The following POLR2E variants were observed in gnomAD, a reference collection of about 807,000 sequenced individuals.
The protein encoded by POLR2E is RNA polymerase II, I and III subunit E.
POLR2E carries 35 observed loss-of-function variants against 29.8 expected under a neutral mutation model. The ratio of observed to expected loss-of-function variants is 1.17; its 90% CI spans 0.90 to 1.55. The LOEUF (loss-of-function observed/expected upper bound fraction) is 1.55, where lower values mean the gene tolerates loss of function less well. POLR2E is among the 40% of genes most tolerant of loss of function. POLR2E has a pLI of 0.00. For missense variants in POLR2E, 287 were observed against 288.6 expected, an observed-to-expected ratio of 0.99 and a Z score of 0.04; for synonymous variants, 174 against 112.6, an observed-to-expected ratio of 1.55 and a Z score of -3.45.
At chr19:1,089,149 C>CTAAACCCTCTTCTGGAAAG (rs1950651721) in intron 7 of POLR2E, among the ~76,000 whole-genome samples, 2 of 152,328 alleles carry the variant, frequency 1.3e-5, no homozygotes, top group South Asian at 2.1e-4. Context: ...GGGCAGGTTT[C>CTAAACCCTCTTCTGGAAAG]TAAACCCTCT....
chr19:1,092,563 C>A (rs981031593), intron 2 of POLR2E, among the ~76,000 whole-genome samples: 1 of 151,958 alleles, frequency 6.6e-6, no homozygotes, highest in Non-Finnish European at 1.5e-5. Flanking sequence ...TAGCCCACGC[C>A]CGCAGTCCCA....
chr19:1,090,334 G>A (rs1006755510), intron 4 of POLR2E, among the ~76,000 whole-genome samples, 189 bp from the exon 5 acceptor site: 1 of 151,792 alleles, frequency 6.6e-6, no homozygotes, highest in Admixed American at 6.6e-5. Context: ...ACAGCTCCTG[G>A]GGCTTCTGAG....
Position 1,093,896 on chromosome 19 carries a change from C to T in POLR2E, c.232+8G>A. ...TTCACCGGAACTCCCCCGGGACCCG[C>T]TGCTCACCTGGAAAGAACACAAACA... On this transcript the variant is annotated splice_region_variant and intron_variant, in intron 2 of 7. Transcript: ENST00000615234. 1 of 1,577,508 alleles carries T rather than the reference C, an allele frequency of 6.3e-7. No homozygotes were observed. Among genetic ancestry groups the T allele is most frequent in the Non-Finnish European group, 8.6e-7 (1 of 1,159,626 alleles).
At chr19:1,091,936 C>T (rs369640082) in intron 2 of POLR2E, 29 bp from the exon 3 acceptor site, 12 of 1,516,708 alleles carry the variant, frequency 7.9e-6, no homozygotes, top group South Asian at 4.5e-5. Flanking sequence ...CTGGCCTGCA[C>T]GAGCCTGGGC....
At position 1,091,924 on chromosome 19, in the gene POLR2E, T is replaced by G; in HGVS notation, c.233-17A>C. 1 of 1,571,952 alleles carries G rather than the reference T, an allele frequency of 6.4e-7. No homozygotes were observed. The highest frequency in any genetic ancestry group is 8.7e-7 in the Non-Finnish European group (1 of 1,143,810). On this transcript the variant is annotated splice_polypyrimidine_tract_variant and intron_variant, in intron 2 of 7. Coordinates refer to ENST00000615234, the MANE Select transcript of POLR2E (RefSeq NM_002695.5). ...TGGGCTCCTCTGCAGACAGAGAGTG[T>G]GCTGGCCTGCACGAGCCTGGGCCCT...
intron 7 of POLR2E, among the ~76,000 whole-genome samples, chr19:1,088,938 C>A (rs530949755): frequency 1.6e-4 from 25 of 152,180 alleles, no homozygotes; most frequent in Non-Finnish European, 3.5e-4. Context: ...CCAGGCCAAG[C>A]CCCACCCCTG....
At chr19:1,092,842 C>G (rs1346132136) in intron 2 of POLR2E, among the ~76,000 whole-genome samples, 1 of 142,184 alleles carries the variant, frequency 7.0e-6, no homozygotes, top group Admixed American at 7.2e-5. Context: ...GATTGCGCCA[C>G]TGCACACTCC....
chr19:1,089,046 C>A (rs1237642276), intron 7 of POLR2E, among the ~76,000 whole-genome samples: 1 of 152,200 alleles, frequency 6.6e-6, no homozygotes, highest in Non-Finnish European at 1.5e-5. Flanking sequence ...GAGGCTGTCC[C>A]GCTCCTGAGA....
chr19:1,091,435 G>A (rs1043149866), intron 3 of POLR2E: 55 of 376,820 alleles, frequency 1.5e-4, no homozygotes, highest in Non-Finnish European at 2.4e-4. Flanking sequence ...GGAGGACCCC[G>A]TGCCGGGCCT....
chr19:1,089,927 G>A lies in POLR2E; in HGVS notation c.524C>T (p.Ala175Val), dbSNP rs939539104. Residue 175 changes from alanine to valine, a missense_variant, in exon 6 of 8, where the codon GCG becomes GTG. Coordinates refer to ENST00000615234, the MANE Select transcript of POLR2E (RefSeq NM_002695.5). The part of the protein sequence containing the change: ...LRENQLPRIQ[A>V]GDPVARYFGI... ...AAAGTAGCGCGCCACAGGGTCCCCC[G>A]CCTGGATCCTGGGCAGCTGGTTCTC... 16 of 1,612,642 alleles carry A rather than the reference G, an allele frequency of 9.9e-6. No individual in the cohort carries two copies. The highest frequency in any genetic ancestry group is 6.7e-5 in the African/African-American group (5 of 74,788).
At position 1,086,686 on chromosome 19, in the gene POLR2E, AGAAGGGGCCAG is replaced by A. The variant is rs1009467723; in HGVS notation, c.*2038_*2048del. The A allele has an allele frequency of 2.0e-5, 3 of 152,172 alleles. No homozygotes were observed. Among genetic ancestry groups the A allele is most frequent in the African/African-American group, 7.3e-5 (3 of 41,324 alleles). 9.4% of individuals were successfully genotyped at this position (152,172 alleles called of 1,614,324 possible). ...TTTCTGTGGCAGCTGCAAGCTTAGAAGAAGGGGCCAGGGAGGGGACAGAGAGAGCCCCGTGG... is the reference window on the plus strand; with the variant it reads ...TTTCTGTGGCAGCTGCAAGCTTAGAAGGAGGGGACAGAGAGAGCCCCGTGG... On this transcript the variant is annotated 3_prime_UTR_variant, in exon 8 of 8. Coordinates refer to ENST00000615234, the MANE Select transcript of POLR2E (RefSeq NM_002695.5).
intron 1 of POLR2E, chr19:1,095,008 C>T: frequency 2.0e-6 from 1 of 488,366 alleles, no homozygotes; most frequent in Non-Finnish European, 3.6e-6. Flanking sequence ...ACGCGCGCCG[C>T]ACCAGCCCAA....
chr19:1,094,968 C>CA (rs2043910002), intron 1 of POLR2E: 1 of 493,956 alleles, frequency 2.0e-6, no homozygotes, highest in African/African-American at 2.1e-5. Flanking sequence ...CCCCCGTCCC[C>CA]ATTCGCGGCT....
chr19:1,087,617 G>A lies in POLR2E; in HGVS notation c.*1118C>T, dbSNP rs1350841186. The A allele has an allele frequency of 6.6e-6, 1 of 152,214 alleles. No homozygotes were observed. The highest frequency in any genetic ancestry group is 1.5e-5 in the Non-Finnish European group (1 of 68,064). The allele number at this position is 152,214 out of a possible 1,614,324, so 9.4% of individuals were successfully genotyped here. A position where few individuals can be genotyped will look rare whatever the true frequency, so the allele number is the denominator to read the frequency against. On this transcript the variant is annotated 3_prime_UTR_variant, in exon 8 of 8. Transcript: ENST00000615234. ...TGACGACTCTAGTGACCTCCTAGGA[G>A]TGACATCAGTGTTTGTCCCTTTGGG...
chr19:1,094,552 AAAAT>A (rs2043902886), intron 1 of POLR2E: 1 of 159,426 alleles, frequency 6.3e-6, no homozygotes, highest in Non-Finnish European at 1.4e-5. Context: ...TTAAAAAAAA[AAAAT>A]GACAGGGACC....
In POLR2E at chr19:1,094,082, CAGAG is replaced by C. The variant is rs1275147186; in HGVS notation, c.58-8_58-5del. ...GATAGCCACGGTCGTGGCACAGCTG[CAGAG>C]AGAAAGAACCAGCTGACCCCAGGGC... On this transcript the variant is annotated splice_polypyrimidine_tract_variant and splice_region_variant and intron_variant, in intron 1 of 7. Transcript: ENST00000615234. 1.2e-6 allele frequency: 2 copies of C among 1,605,232 alleles called. No homozygotes were observed. The highest frequency in any genetic ancestry group is 1.7e-6 in the Non-Finnish European group (2 of 1,176,056).
intron 7 of POLR2E, among the ~76,000 whole-genome samples, 153 bp from the exon 8 acceptor site, chr19:1,088,873 G>C (rs2043767541): frequency 6.6e-6 from 1 of 151,508 alleles, no homozygotes; most frequent in African/African-American, 2.5e-5. Context: ...GTGCCCAGCG[G>C]TCACACAGGC....
Position 1,087,325 on chromosome 19 carries a change from G to A in POLR2E, c.*1410C>T, listed in dbSNP as rs1198513601. 6.6e-6 allele frequency: 1 copy of A among 152,056 alleles called. No individual in the cohort carries two copies. The highest frequency in any genetic ancestry group is 1.5e-5 in the Non-Finnish European group (1 of 68,032). 9.4% of individuals were successfully genotyped at this position (152,056 alleles called of 1,614,324 possible). On this transcript the variant is annotated 3_prime_UTR_variant, in exon 8 of 8. Transcript: ENST00000615234. ...GCACCACCACGCCCAGGTAATTTTT[G>A]TATTTTTTGCAGTGATGGGATTTTG...
chr19:1,095,115 G>T, intron 1 of POLR2E, 144 bp downstream of exon 1: 1 of 783,436 alleles, frequency 1.3e-6, no homozygotes, highest in Non-Finnish European at 2.0e-6. Context: ...TGGTATCCCC[G>T]GCGACCTCTG....
Sources: allele counts gnomAD v4.1 joint callset (sites outside exome capture counted in the v4.1 genomes callset), GRCh38; gene constraint gnomAD v4.1.1; transcripts MANE v1.5; gene names NCBI Gene and HGNC (gene_info 2026-07-23, HGNC 2026-07-21).